Variants in KCNQ1 observed in about 807,000 individuals in gnomAD.
The protein encoded by KCNQ1 is potassium voltage-gated channel subfamily KQT member 1.
Under a neutral mutation model 72.4 loss-of-function variants are expected in KCNQ1, and 49 were observed. The observed-to-expected ratio is 0.68, with a 90% CI of 0.54 to 0.86. The LOEUF (loss-of-function observed/expected upper bound fraction) is 0.86. Among genes scored for constraint, KCNQ1 ranks in the 40% least tolerant of loss-of-function variants. KCNQ1 has a pLI of 0.00. For missense variants in KCNQ1, 790 were observed against 945.1 expected (o/e 0.84, Z 2.15); for synonymous variants, 450 against 412.6 (o/e 1.09, Z -1.10).
rs1367660373 is a variant in KCNQ1, at chr11:2,808,335, C to T, written c.1794+30298C>T. 6.6e-6 allele frequency among the ~76,000 whole-genome samples: 1 copy of T among 152,136 alleles called. No homozygotes were observed. Among genetic ancestry groups the T allele is most frequent in the Non-Finnish European group, 1.5e-5 (1 of 68,036 alleles). On this transcript the variant is annotated intron_variant, in intron 15 of 15. Coordinates refer to ENST00000155840, the MANE Select transcript of KCNQ1 (RefSeq NM_000218.3). The surrounding 1 kb of genome is among the most constrained non-coding windows in gnomAD (Gnocchi z 6.0). ...CTCGGTCCTGGCATCACAGAGCTAC[C>T]CCGGTCAAAAATATACCATGTAATT...
intron 11 of KCNQ1, chr11:2,681,495 GTAAAGTCA>G (rs1485344859): frequency 2.5e-6 from 1 of 398,390 alleles, no homozygotes; most frequent in African/African-American, 2.1e-5. Flanking sequence ...ATGGGACTTA[GTAAAGTCA>G]AACTGGTCCA....
At position 2,527,945 on chromosome 11, in the gene KCNQ1, T is replaced by A; in HGVS notation, c.404T>A (p.Val135Asp). The A allele has an allele frequency of 6.2e-7, 1 of 1,614,124 alleles. No homozygotes were observed. Among genetic ancestry groups the A allele is most frequent in the Non-Finnish European group, 8.5e-7 (1 of 1,180,008 alleles). The change falls in exon 2 of 16, where the codon GTC becomes GAC. Residue 135 changes from valine to aspartate, a missense_variant. By Grantham distance (152) the Val-to-Asp change is radical (BLOSUM62 -3). Coordinates refer to ENST00000155840, the MANE Select transcript of KCNQ1 (RefSeq NM_000218.3). Reference sequence around the variant, plus strand: ...TCTTGCAGCTTCCTCATCGTCCTGGTCTGCCTCATCTTCAGCGTGCTGTCC... The same window carrying A: ...TCTTGCAGCTTCCTCATCGTCCTGGACTGCCTCATCTTCAGCGTGCTGTCC... ...YHFAVFLIVL[V>D]CLIFSVLSTI...
At chr11:2,532,519 CAG>C (rs766879787) in intron 2 of KCNQ1, among the ~76,000 whole-genome samples, 19 of 152,322 alleles carry the variant, frequency 1.2e-4, no homozygotes, top group African/African-American at 4.6e-4. Context: ...GGGGACACAG[CAG>C]AGAGTGAGGC....
intron 10 of KCNQ1, chr11:2,643,582 G>C (rs1418580495): frequency 5.0e-6 from 2 of 398,260 alleles, no homozygotes; most frequent in African/African-American, 4.1e-5. Context: ...CATTTAGATG[G>C]GTCATGTTTT....
Position 2,572,942 on chromosome 11 carries a change from C to A in KCNQ1, c.877C>A (p.Arg293Ser). The A allele has an allele frequency of 6.2e-7, 1 of 1,613,792 alleles. No homozygotes were observed. Among genetic ancestry groups the A allele is most frequent in the Non-Finnish European group, 8.5e-7 (1 of 1,180,010 alleles). The change falls in exon 6 of 16, where the codon CGC becomes AGC. Residue 293 changes from arginine to serine, a missense_variant. This residue lies in a region of KCNQ1 where 133 missense variants were observed against 219.5 expected (regional missense o/e 0.61). Transcript: ENST00000155840. Reference protein sequence around the residue: ...AEKDAVNESGRVEFGSYADAL... With the variant: ...AEKDAVNESGSVEFGSYADAL... ...GAAGGACGCGGTGAACGAGTCAGGC[C>A]GCGTGGAGTTCGGCAGCTACGCAGA...
intron 10 of KCNQ1, chr11:2,650,849 G>A (rs1437807553): frequency 5.0e-6 from 2 of 398,604 alleles, no homozygotes; most frequent in Non-Finnish European, 4.4e-6. Flanking sequence ...TTTTAGGGGA[G>A]GATGAGTGAG....
At position 2,642,738 on chromosome 11, in the gene KCNQ1, C is replaced by T. The variant is rs1849599442; in HGVS notation, c.1394-19223C>T. ...ATGGTTTGTTCTTGCTTTTCTGGTT[C>T]CTTCAGGTGTATCATTAGATTATTT... On this transcript the variant is annotated intron_variant, in intron 10 of 15. Transcript: ENST00000155840. The surrounding 1 kb of genome is among the most constrained non-coding windows in gnomAD (Gnocchi z 4.3). 1 of 397,592 alleles carries T rather than the reference C, an allele frequency of 2.5e-6. No individual in the cohort carries two copies. The highest frequency in any genetic ancestry group is 4.4e-5 in the Admixed American group (1 of 22,680). The allele number at this position is 397,592 out of a possible 1,614,324, so 24.6% of individuals were successfully genotyped here. A position where few individuals can be genotyped will look rare whatever the true frequency, so the allele number is the denominator to read the frequency against.
intron 3 of KCNQ1, 40 bp downstream of exon 3, chr11:2,570,794 C>CA: frequency 1.2e-6 from 2 of 1,605,366 alleles, no homozygotes; most frequent in Non-Finnish European, 8.5e-7. Flanking sequence ...GCCCAGGTTT[C>CA]CAGACCAGGA....
intron 2 of KCNQ1, among the ~76,000 whole-genome samples, chr11:2,569,544 T>A (rs1589955774): frequency 6.6e-6 from 1 of 151,846 alleles, no homozygotes; most frequent in Non-Finnish European, 1.5e-5. Context: ...CAGGCAGGAG[T>A]CCGCCGGAAG....
chr11:2,829,943 G>C (rs1471601578), intron 15 of KCNQ1, among the ~76,000 whole-genome samples: 1 of 146,750 alleles, frequency 6.8e-6, no homozygotes, highest in South Asian at 2.2e-4. Context: ...GGTGGGGAGG[G>C]GGAGGGGGAG....
At chr11:2,553,162 GT>G (rs761903102) in intron 2 of KCNQ1, among the ~76,000 whole-genome samples, 105 of 105,776 alleles carry the variant, frequency 9.9e-4, no homozygotes, top group South Asian at 3.0e-3. Context: ...GGTTTTTTTT[GT>G]TTTTTTTTTT....
rs115750281 is a variant in KCNQ1, at chr11:2,596,062, T to C, written c.1393+7208T>C. ...ACTGCAAGAGAACTAGAATTAGAAG[T>C]GGAGCCTGAAGATGTGGCTGAAATA... On this transcript the variant is annotated intron_variant, in intron 10 of 15. Transcript: ENST00000155840. Among the ~76,000 whole-genome samples the C allele has an allele frequency of 4.9e-3, 752 of 152,292 alleles. 9 individuals are homozygous for C. The highest frequency in any genetic ancestry group is 0.016 in the African/African-American group (683 of 41,554).
chr11:2,743,078 T>C (rs1441484031), intron 11 of KCNQ1, among the ~76,000 whole-genome samples: 1 of 152,234 alleles, frequency 6.6e-6, no homozygotes, highest in Non-Finnish European at 1.5e-5. Context: ...ACAGCCGGCC[T>C]GAGCAGGCTT....
chr11:2,466,545 A>C (rs2133589986), intron 1 of KCNQ1, among the ~76,000 whole-genome samples: 1 of 152,130 alleles, frequency 6.6e-6, no homozygotes, highest in Non-Finnish European at 1.5e-5. Flanking sequence ...GGGGTTCAAG[A>C]TGCTATCACT....
chr11:2,556,680 T>C (rs1315143338), intron 2 of KCNQ1, among the ~76,000 whole-genome samples: 1 of 152,146 alleles, frequency 6.6e-6, no homozygotes, highest in African/African-American at 2.4e-5. Context: ...CACAGAGCCG[T>C]TGATGGGGTG....
At chr11:2,756,836 A>C (rs944745857) in intron 11 of KCNQ1, among the ~76,000 whole-genome samples, 1 of 151,954 alleles carries the variant, frequency 6.6e-6, no homozygotes, top group African/African-American at 2.4e-5. Flanking sequence ...TTATAAGAAA[A>C]TTATATTAGC....
intron 10 of KCNQ1, chr11:2,655,115 C>T (rs1315243485): frequency 1.3e-5 from 5 of 398,496 alleles, no homozygotes; most frequent in East Asian, 3.6e-5. Context: ...ATCCCCCTAT[C>T]GAGCAGGACC....
At chr11:2,533,309 G>A (rs937269290) in intron 2 of KCNQ1, among the ~76,000 whole-genome samples, 1 of 152,222 alleles carries the variant, frequency 6.6e-6, no homozygotes, top group Non-Finnish European at 1.5e-5. Context: ...CATTTCGGGA[G>A]GAATCTGGTC....
In KCNQ1 at chr11:2,735,494, A is replaced by T. The variant is rs1156306868; in HGVS notation, c.1515-33350A>T. Among the ~76,000 whole-genome samples, 1 of 151,988 alleles carries T rather than the reference A, an allele frequency of 6.6e-6. No individual in the cohort carries two copies. The highest frequency in any genetic ancestry group is 1.5e-5 in the Non-Finnish European group (1 of 67,958). On this transcript the variant is annotated intron_variant, in intron 11 of 15. Transcript: ENST00000155840. This position sits in a 1 kb window ranked among gnomAD's most constrained non-coding sequence, Gnocchi z 7.7. Reference sequence around the variant, plus strand: ...CCACTGCATTCAGCCACCGTCCTGAAGTGCCCCTCACCCACCCATCCACAC... The same window carrying T: ...CCACTGCATTCAGCCACCGTCCTGATGTGCCCCTCACCCACCCATCCACAC...
Sources: gnomAD v4.1 joint callset for allele counts (sites outside exome capture counted in the v4.1 genomes callset) on GRCh38, gnomAD v4.1.1 for gene constraint, gnomAD v4.1.1 regional missense constraint, Gnocchi (gnomAD v3.1) non-coding constraint, MANE v1.5 for transcripts, NCBI Gene and HGNC (gene_info 2026-07-23, HGNC 2026-07-21) for gene names.